Variants in RFC2 observed in about 807,000 individuals in gnomAD.
RFC2 encodes the protein replication factor C subunit 2, also known as A1 40 kDa subunit.
A neutral mutation model predicts 44.8 loss-of-function variants in RFC2; 34 were observed. That is an observed-to-expected ratio of 0.76 (90% CI 0.58 to 1.01). The LOEUF (loss-of-function observed/expected upper bound fraction) is 1.01, where lower values mean the gene tolerates loss of function less well. Among genes scored for constraint, RFC2 ranks in the 50% least tolerant of loss-of-function variants. RFC2 has a pLI of 0.00. For missense variants in RFC2, 400 were observed against 453.6 expected (o/e 0.88, Z 1.07); for synonymous variants, 177 against 168.9 (o/e 1.05, Z -0.37).
At chr7:74,240,597 G>T (rs1803279890) in intron 6 of RFC2, among the ~76,000 whole-genome samples, 1 of 150,260 alleles carries the variant, frequency 6.7e-6, no homozygotes. Flanking sequence ...AGAGGCCTCA[G>T]TTGGCACTGC....
At chr7:74,235,786 GA>G in intron 9 of RFC2, 141 bp from the exon 10 acceptor site, 2 of 638,212 alleles carry the variant, frequency 3.1e-6, no homozygotes, top group Non-Finnish European at 5.7e-6. Flanking sequence ...CAGATAGAGA[GA>G]TAACATTGCA....
In RFC2 at chr7:74,232,138, A is replaced by T; in HGVS notation, c.1033T>A (p.Cys345Ser). 1 of 1,612,880 alleles carries T rather than the reference A, an allele frequency of 6.2e-7. No individual in the cohort carries two copies. Among genetic ancestry groups the T allele is most frequent in the Non-Finnish European group, 8.5e-7 (1 of 1,178,776 alleles). ...GCCACCGGGGCCATTGTCTTCTGAC[A>T]CAGCCTTGCCAGGAGGCCTGCCATC... ...LQMAGLLARL[C>S]QKTMAPVAS Residue 345 changes from cysteine (C) to serine (S), a missense_variant, in exon 11 of 11, where the codon TGT (cysteine) becomes AGT (serine). Physicochemically the swap from Cys to Ser is moderately radical, Grantham distance 112 (BLOSUM62 -1). Coordinates refer to ENST00000055077, the MANE Select transcript of RFC2 (RefSeq NM_181471.3).
At position 74,235,618 on chromosome 7, in the gene RFC2, A is replaced by G. The variant is rs782582089; in HGVS notation, c.868T>C (p.Tyr290His). The change falls in exon 10 of 11, where the codon TAC becomes CAC. Residue 290 changes from tyrosine (Y) to histidine (H), a missense_variant. By Grantham distance (83) the Tyr-to-His change is moderately conservative. Coordinates refer to ENST00000055077, the MANE Select transcript of RFC2 (RefSeq NM_181471.3). ...TTGCCAATGATATCTTCTGGTGAGTAGCCCAGATGCCACAAGTGAGCAAGA... is the reference window on the plus strand; with the variant it reads ...TTGCCAATGATATCTTCTGGTGAGTGGCCCAGATGCCACAAGTGAGCAAGA... ...KILAHLWHLGYSPEDIIGNIF... is the reference protein window; with the variant it reads ...KILAHLWHLGHSPEDIIGNIF... 9 of 1,613,150 alleles carry G rather than the reference A, an allele frequency of 5.6e-6. No homozygotes were observed. The highest frequency in any genetic ancestry group is 3.4e-6 in the Non-Finnish European group (4 of 1,179,084).
chr7:74,251,468 G>A (rs554510672), intron 2 of RFC2, among the ~76,000 whole-genome samples: 87 of 152,308 alleles, frequency 5.7e-4, no homozygotes, highest in African/African-American at 2.0e-3. Context: ...GGGATTACAG[G>A]TGTAAGCCAC....
intron 7 of RFC2, among the ~76,000 whole-genome samples, chr7:74,239,613 G>A (rs1183892387): frequency 1.3e-5 from 2 of 152,210 alleles, no homozygotes; most frequent in African/African-American, 2.4e-5. Context: ...TTATAGGCGT[G>A]AGCCACTGTG....
At chr7:74,247,225 G>A (rs1489001898) in intron 4 of RFC2, among the ~76,000 whole-genome samples, 4 of 151,550 alleles carry the variant, frequency 2.6e-5, no homozygotes, top group Non-Finnish European at 5.9e-5. Flanking sequence ...TACCACCTTT[G>A]TTATCTTGTA....
intron 10 of RFC2, among the ~76,000 whole-genome samples, chr7:74,232,758 G>A (rs782306574): frequency 2.2e-4 from 33 of 152,160 alleles, no homozygotes; most frequent in Non-Finnish European, 2.9e-4. Context: ...CCAGCTACTC[G>A]GGAGGCTGAG....
intron 7 of RFC2, 92 bp from the exon 8 acceptor site, chr7:74,239,080 C>T: frequency 9.9e-7 from 1 of 1,005,182 alleles, no homozygotes; most frequent in Non-Finnish European, 1.5e-6. Context: ...CCAGGCTGGT[C>T]TCGAACTCCT....
intron 4 of RFC2, among the ~76,000 whole-genome samples, chr7:74,247,721 T>C (rs1803701378): frequency 6.6e-6 from 1 of 152,182 alleles, no homozygotes; most frequent in South Asian, 2.1e-4. Flanking sequence ...TAAATGCTAC[T>C]GATGGTGAAA....
At chr7:74,243,791 T>G (rs1454882569) in intron 5 of RFC2, among the ~76,000 whole-genome samples, 1 of 148,078 alleles carries the variant, frequency 6.8e-6, no homozygotes, top group African/African-American at 2.5e-5. Context: ...AAGACCTCTA[T>G]TTCTACAAAA....
chr7:74,249,929 C>T (rs1309985229), intron 2 of RFC2, 149 bp from the exon 3 acceptor site: 2 of 712,448 alleles, frequency 2.8e-6, no homozygotes, highest in Non-Finnish European at 2.6e-6. Context: ...GAGGCCAAGG[C>T]AGGACAATCA....
chr7:74,234,419 T>C (rs1207863612), intron 10 of RFC2, among the ~76,000 whole-genome samples: 2 of 152,160 alleles, frequency 1.3e-5, no homozygotes, highest in Non-Finnish European at 2.9e-5. Flanking sequence ...CCTAACAGGC[T>C]GAATTTTACT....
intron 10 of RFC2, among the ~76,000 whole-genome samples, chr7:74,235,034 C>A (rs1340989519): frequency 1.3e-5 from 2 of 152,090 alleles, no homozygotes; most frequent in Non-Finnish European, 2.9e-5. Flanking sequence ...AAGCCAGGGC[C>A]CACAGTCTTT....
intron 6 of RFC2, among the ~76,000 whole-genome samples, chr7:74,242,387 C>T (rs1188857270): frequency 1.3e-5 from 2 of 152,044 alleles, no homozygotes. Context: ...CTCTTTTTTC[C>T]TTAGATCCTA....
At chr7:74,241,958 T>C (rs988798193) in intron 6 of RFC2, among the ~76,000 whole-genome samples, 3 of 151,820 alleles carry the variant, frequency 2.0e-5, no homozygotes, top group Non-Finnish European at 4.4e-5. Context: ...AGACTCTCTC[T>C]ACAAAAAAAA....
chr7:74,246,942 T>TGGA (rs1554720148), intron 4 of RFC2, among the ~76,000 whole-genome samples, 179 bp from the exon 5 acceptor site: 5 of 151,930 alleles, frequency 3.3e-5, no homozygotes, highest in Non-Finnish European at 5.9e-5. Context: ...TGTTCTTTCT[T>TGGA]GGAGGTCTTT....
chr7:74,252,910 C>T (rs892172232), intron 1 of RFC2, among the ~76,000 whole-genome samples: 2 of 152,024 alleles, frequency 1.3e-5, no homozygotes, highest in African/African-American at 4.8e-5. Flanking sequence ...TACTCCAGCC[C>T]GGGCTACAGA....
At chr7:74,243,932 G>A (rs966591933) in intron 5 of RFC2, among the ~76,000 whole-genome samples, 4 of 151,270 alleles carry the variant, frequency 2.6e-5, no homozygotes, top group Non-Finnish European at 4.4e-5. Flanking sequence ...AACATTGATA[G>A]TATATAAAAA....
intron 1 of RFC2, among the ~76,000 whole-genome samples, chr7:74,253,971 C>T (rs1294383049): frequency 1.3e-5 from 2 of 152,132 alleles, no homozygotes; most frequent in Non-Finnish European, 2.9e-5. Flanking sequence ...CTAGGTCATA[C>T]ACTACTATAC....
Sources: allele counts gnomAD v4.1 joint callset (sites outside exome capture counted in the v4.1 genomes callset), GRCh38; gene constraint gnomAD v4.1.1; transcripts MANE v1.5; gene names NCBI Gene and HGNC (gene_info 2026-07-23, HGNC 2026-07-21).